The following GEMIN6 variants were observed in gnomAD, a reference collection of about 807,000 sequenced individuals.
GEMIN6 encodes gem nuclear organelle associated protein 6.
GEMIN6 carries 13 observed loss-of-function variants against 14.1 expected under a neutral mutation model. The ratio of observed to expected loss-of-function variants is 0.92; its 90% CI spans 0.60 to 1.46. The LOEUF (loss-of-function observed/expected upper bound fraction) is 1.46. Among genes scored for constraint, GEMIN6 ranks in the 40% most tolerant of loss-of-function variants. The pLI is 0.00. For missense variants in GEMIN6, 271 were observed against 202.4 expected, an observed-to-expected ratio of 1.34 and a Z score of -2.06; for synonymous variants, 87 against 70.0, an observed-to-expected ratio of 1.24 and a Z score of -1.21.
At position 38,783,540 on chromosome 2, in the gene GEMIN6, T is replaced by G. The variant is rs1312901216; in HGVS notation, c.*1648T>G. The G allele has an allele frequency of 6.6e-6, 1 of 150,858 alleles. No individual in the cohort carries two copies. The highest frequency in any genetic ancestry group is 2.4e-5 in the African/African-American group (1 of 40,868). The allele number at this position is 150,858 out of a possible 1,614,324, so 9.3% of individuals were successfully genotyped here. ...GAGGGTCTTGATATGTTGCCCAGGC[T>G]TGTCTTCAACTCCTGGGTTCAAGTG... is the stretch of plus-strand genomic sequence containing the variant. On this transcript the variant is annotated 3_prime_UTR_variant, in exon 3 of 3. Transcript: ENST00000281950.
intron 2 of GEMIN6, among the ~76,000 whole-genome samples, chr2:38,780,673 G>T (rs1669060029): frequency 1.3e-5 from 2 of 151,542 alleles, no homozygotes; most frequent in Non-Finnish European, 2.9e-5. Context: ...CTGTTGCCCA[G>T]GCTGGAGTTC....
chr2:38,778,958 G>A lies in GEMIN6; in HGVS notation c.-19-14G>A, dbSNP rs1669012267. 2 of 1,601,042 alleles carry A rather than the reference G, an allele frequency of 1.2e-6. No individual in the cohort carries two copies. The highest frequency in any genetic ancestry group is 1.3e-5 in the African/African-American group (1 of 74,690). On this transcript the variant is annotated splice_polypyrimidine_tract_variant and intron_variant, in intron 1 of 2. Coordinates refer to ENST00000281950, the MANE Select transcript of GEMIN6 (RefSeq NM_024775.10). Reference sequence around the variant, plus strand: ...CGTGGAACATATATTAACCAGCACTGGTGGTTGTTTCAGATTTAGCCAGGT... The same window carrying A: ...CGTGGAACATATATTAACCAGCACTAGTGGTTGTTTCAGATTTAGCCAGGT...
In GEMIN6 at chr2:38,781,319, C is replaced by T. The variant is rs114577767; in HGVS notation, c.129-198C>T. ...TTAAGGCATTCATAACTTGTTTAAT[C>T]CTTTAACTGTATCCCACAATGATTG... On this transcript the variant is annotated intron_variant, in intron 2 of 2. Transcript: ENST00000281950. Among the ~76,000 whole-genome samples, 418 of 152,270 alleles carry T rather than the reference C, an allele frequency of 2.7e-3. 1 individual carries two copies. Among genetic ancestry groups the T allele is most frequent in the African/African-American group, 9.8e-3 (406 of 41,554 alleles).
intron 2 of GEMIN6, 124 bp from the exon 3 acceptor site, chr2:38,781,393 T>G (rs113699259): frequency 5.0e-6 from 5 of 1,009,536 alleles, no homozygotes; most frequent in African/African-American, 1.6e-5. Context: ...TTAGTGAATG[T>G]TTGTTGAATA....
chr2:38,779,750 T>C (rs1264471094), intron 2 of GEMIN6, among the ~76,000 whole-genome samples: 2 of 136,676 alleles, frequency 1.5e-5, no homozygotes, highest in African/African-American at 2.7e-5. Flanking sequence ...GTTACAATCT[T>C]GGCTCACTGC....
Position 38,778,224 on chromosome 2 carries a change from G to T in GEMIN6, c.-77G>T, listed in dbSNP as rs1279154196. ...TGGTCTCAGGCGGTCTCCGCTCAAC[G>T]ATCCTTCCTCAAAGCATGGTTGCTG... is the stretch of plus-strand genomic sequence containing the variant. On this transcript the variant is annotated 5_prime_UTR_variant, in exon 1 of 3. Coordinates refer to ENST00000281950, the MANE Select transcript of GEMIN6 (RefSeq NM_024775.10). 2 of 152,178 alleles carry T rather than the reference G, an allele frequency of 1.3e-5. No individual in the cohort carries two copies. Among genetic ancestry groups the T allele is most frequent in the East Asian group, 3.8e-4 (2 of 5,198 alleles). 9.4% of individuals were successfully genotyped at this position (152,178 alleles called of 1,614,324 possible).
At chr2:38,781,077 TC>T (rs953103789) in intron 2 of GEMIN6, among the ~76,000 whole-genome samples, 3 of 150,382 alleles carry the variant, frequency 2.0e-5, no homozygotes, top group Non-Finnish European at 3.0e-5. Context: ...CAAGCAATTC[TC>T]TGCCTCTGCC....
chr2:38,779,886 T>C (rs1421212282), intron 2 of GEMIN6, among the ~76,000 whole-genome samples: 1 of 150,150 alleles, frequency 6.7e-6, no homozygotes, highest in African/African-American at 2.4e-5. Flanking sequence ...TTTCGCTATG[T>C]TGGCCAGGCT....
In GEMIN6 at chr2:38,784,528, C is replaced by G. The variant is rs1240184784; in HGVS notation, c.*2636C>G. On this transcript the variant is annotated 3_prime_UTR_variant, in exon 3 of 3. Transcript: ENST00000281950. ...CTTGGGCAGCAGAACGAGACTCTGT[C>G]TCAAAAAAAAAAAAAAAGCCACGTA... is the stretch of plus-strand genomic sequence containing the variant. The G allele has an allele frequency of 3.1e-5, 3 of 96,224 alleles. No individual in the cohort carries two copies. The Admixed American group carries it at 3.4e-4, about 11-fold the overall frequency. The allele number at this position is 96,224 out of a possible 1,614,324, so 6.0% of individuals were successfully genotyped here.
In GEMIN6 at chr2:38,778,861, G is replaced by T. The variant is rs576572205; in HGVS notation, c.-19-111G>T. ...TTAATTGTATTAAGTTACTTATTAC[G>T]AACTTGAGGCAAATCACAGATGTTC... On this transcript the variant is annotated intron_variant, in intron 1 of 2. Coordinates refer to ENST00000281950, the MANE Select transcript of GEMIN6 (RefSeq NM_024775.10). The T allele has an allele frequency of 3.2e-5, 27 of 856,342 alleles. No homozygotes were observed. In the South Asian group the frequency reaches 4.9e-4, roughly 15 times the overall value. The allele number at this position is 856,342 out of a possible 1,614,324, so 53.0% of individuals were successfully genotyped here. A position where few individuals can be genotyped will look rare whatever the true frequency, so the allele number is the denominator to read the frequency against.
Position 38,784,969 on chromosome 2 carries a change from T to C in GEMIN6, c.*3077T>C, listed in dbSNP as rs1471043105. The C allele has an allele frequency of 6.6e-6, 1 of 152,220 alleles. No homozygotes were observed. Among genetic ancestry groups the C allele is most frequent in the Non-Finnish European group, 1.5e-5 (1 of 68,040 alleles). 9.4% of individuals were successfully genotyped at this position (152,220 alleles called of 1,614,324 possible). A position where few individuals can be genotyped will look rare whatever the true frequency, so the allele number is the denominator to read the frequency against. The stretch of plus-strand genomic sequence containing the variant: ...CAGTCTTTGAACACATTATCAAGAA[T>C]ACTTTTTAAAATAAAAGTCTGTTTC... On this transcript the variant is annotated 3_prime_UTR_variant, in exon 3 of 3. Coordinates refer to ENST00000281950, the MANE Select transcript of GEMIN6 (RefSeq NM_024775.10).
rs369354555 is a variant in GEMIN6 at position 38,778,738 on chromosome 2, A to G, written c.-19-234A>G. Among the ~76,000 whole-genome samples the G allele has an allele frequency of 8.5e-5, 13 of 152,262 alleles. No individual in the cohort carries two copies. In the South Asian group the frequency reaches 2.1e-3, roughly 24 times the overall value. ...GCTTTAGGCCGAATTGTACATATTA[A>G]CTATTTTCCTTTTCCTGATAAAAAT... On this transcript the variant is annotated intron_variant, in intron 1 of 2. Transcript: ENST00000281950.
rs749119944 is a variant in GEMIN6, at chr2:38,779,027, C to T, written c.37C>T (p.Gln13Ter). 6.2e-7 allele frequency: 1 copy of T among 1,613,478 alleles called. No homozygotes were observed. Among genetic ancestry groups the T allele is most frequent in the Non-Finnish European group, 8.5e-7 (1 of 1,179,750 alleles). ...EWMKKGPLEW[Q>*]DYIYKEVRVT... ...GATGAAGAAAGGCCCCTTAGAATGG[C>T]AAGATTACATTTACAAAGAGGTCCG... The change falls in exon 2 of 3, where the codon CAA becomes TAA. Residue 13 changes from glutamine to a stop codon, truncating the protein, a stop_gained. Transcript: ENST00000281950. LOFTEE classifies it high-confidence loss of function.
intron 2 of GEMIN6, 70 bp downstream of exon 2, chr2:38,779,188 A>G: frequency 7.1e-7 from 1 of 1,402,140 alleles, no homozygotes; most frequent in South Asian, 1.3e-5. Flanking sequence ...TAGACAAACT[A>G]AGAAAGCAGA....
In GEMIN6 at chr2:38,781,998, T is replaced by C. The variant is rs1669103659; in HGVS notation, c.*106T>C. On this transcript the variant is annotated 3_prime_UTR_variant, in exon 3 of 3. Transcript: ENST00000281950. Reference sequence around the variant, plus strand: ...GACTGTGTGTGTGTATGTGTGTGTGTGTATAATTCTTTGTTGTTTTGGTAA... The same window carrying C: ...GACTGTGTGTGTGTATGTGTGTGTGCGTATAATTCTTTGTTGTTTTGGTAA... 8.9e-7 allele frequency: 1 copy of C among 1,126,140 alleles called. No individual in the cohort carries two copies. The highest frequency in any genetic ancestry group is 1.3e-6 in the Non-Finnish European group (1 of 797,128). 69.8% of individuals were successfully genotyped at this position (1,126,140 alleles called of 1,614,324 possible). A position where few individuals can be genotyped will look rare whatever the true frequency, so the allele number is the denominator to read the frequency against.
intron 1 of GEMIN6, among the ~76,000 whole-genome samples, chr2:38,778,688 C>T (rs921669364): frequency 6.6e-6 from 1 of 152,116 alleles, no homozygotes; most frequent in Non-Finnish European, 1.5e-5. Context: ...TCAGACTGCA[C>T]CCGCGGCAAA....
intron 2 of GEMIN6, 31 bp from the exon 3 acceptor site, chr2:38,781,486 T>C: frequency 1.3e-6 from 2 of 1,566,472 alleles, no homozygotes; most frequent in Non-Finnish European, 1.7e-6. Context: ...CTTGGGTTGA[T>C]GATGCCTCTA....
chr2:38,779,691 T>C (rs1459697111), intron 2 of GEMIN6, among the ~76,000 whole-genome samples: 20 of 117,150 alleles, frequency 1.7e-4, no homozygotes, highest in African/African-American at 6.3e-4. Context: ...TTTTTTTTTT[T>C]CGGGGGTGGG....
In GEMIN6 at chr2:38,781,822, G is replaced by C; in HGVS notation, c.434G>C (p.Ser145Thr). ...IDPPYGPENC[S>T]SSNEIILSRV... ...CCACCATATGGTCCAGAAAATTGCAGCAGCTCTAATGAGATTATTCTGTCG... is the reference window on the plus strand; with the variant it reads ...CCACCATATGGTCCAGAAAATTGCACCAGCTCTAATGAGATTATTCTGTCG... The change falls in exon 3 of 3, where the codon AGC becomes ACC. Residue 145 changes from serine (S) to threonine (T), a missense_variant. Physicochemically the swap from Ser to Thr is moderately conservative, Grantham distance 58. Transcript: ENST00000281950. The C allele has an allele frequency of 1.9e-6, 3 of 1,614,146 alleles. No homozygotes were observed. The South Asian group carries it at 3.3e-5, about 18-fold the overall frequency.
Sources: allele counts gnomAD v4.1 joint callset (sites outside exome capture counted in the v4.1 genomes callset), GRCh38; gene constraint gnomAD v4.1.1; transcripts MANE v1.5; gene names NCBI Gene and HGNC (gene_info 2026-07-23, HGNC 2026-07-21).